The following HPSE2 variants were observed in gnomAD, a reference collection of about 807,000 sequenced individuals.
HPSE2 encodes heparanase 2 (inactive), also known as inactive heparanase-2.
In HPSE2, 38 loss-of-function variants were observed where a neutral mutation model predicts 60.5. The observed-to-expected ratio is 0.63, with a 90% CI of 0.48 to 0.82. HPSE2 has a LOEUF of 0.82. Ranked by LOEUF, HPSE2 falls within the 40% of genes least tolerant of loss-of-function variation. HPSE2 has a pLI of 0.00. For missense variants in HPSE2, 713 were observed against 740.4 expected, an observed-to-expected ratio of 0.96 and a Z score of 0.43; for synonymous variants, 295 against 293.2, an observed-to-expected ratio of 1.01 and a Z score of -0.06.
rs2133843381 is a variant in HPSE2, at chr10:98,547,456, C to A, written c.1321-57260G>T. Among the ~76,000 whole-genome samples, 3 of 150,286 alleles carry A rather than the reference C, an allele frequency of 2.0e-5. No individual in the cohort carries two copies. The South Asian group carries it at 6.4e-4, about 32-fold the overall frequency. The stretch of plus-strand genomic sequence containing the variant: ...CTAAGAAAATGTGGCACATATACAC[C>A]ATGGAATACTATGCAGCCATAAAAA... On this transcript the variant is annotated intron_variant, in intron 9 of 11. Transcript: ENST00000370552.
In HPSE2 at chr10:98,935,598, C is replaced by T. The variant is rs1287302399; in HGVS notation, c.611-191542G>A. On this transcript the variant is annotated intron_variant, in intron 3 of 11. Transcript: ENST00000370552. The stretch of plus-strand genomic sequence containing the variant: ...GGGGTCCACTCCAGACCCTGTTTGC[C>T]AGGGTATCACCAGTGAAGATTGCAG... Among the ~76,000 whole-genome samples, 5 of 144,324 alleles carry T rather than the reference C, an allele frequency of 3.5e-5. 2 individuals are homozygous for T. The highest frequency in any genetic ancestry group is 1.4e-4 in the African/African-American group (5 of 35,666). 94.7% of individuals were successfully genotyped at this position (144,324 alleles called of 152,430 possible).
At chr10:99,194,073 T>C (rs1466847983) in intron 2 of HPSE2, among the ~76,000 whole-genome samples, 2 of 152,094 alleles carry the variant, frequency 1.3e-5, no homozygotes, top group African/African-American at 2.4e-5. Context: ...TCATATCAAG[T>C]ATTTTCTCTG....
intron 3 of HPSE2, among the ~76,000 whole-genome samples, chr10:98,825,886 A>C (rs974054795): frequency 4.6e-5 from 7 of 152,208 alleles, no homozygotes; most frequent in African/African-American, 7.2e-5. Context: ...CAGCCATTTT[A>C]TGACTATGAG....
intron 3 of HPSE2, among the ~76,000 whole-genome samples, chr10:98,969,302 T>A (rs891513377): frequency 3.9e-5 from 6 of 152,164 alleles, no homozygotes; most frequent in Non-Finnish European, 8.8e-5. Flanking sequence ...AGTCAAGCCT[T>A]AGAACCCAAA....
At chr10:99,167,082 C>T (rs1209882145) in intron 2 of HPSE2, among the ~76,000 whole-genome samples, 1 of 151,854 alleles carries the variant, frequency 6.6e-6, no homozygotes, top group African/African-American at 2.4e-5. Flanking sequence ...GTAATCTTGA[C>T]CCACTGCAGC....
chr10:98,910,841 T>C (rs1953958338), intron 3 of HPSE2, among the ~76,000 whole-genome samples: 1 of 152,138 alleles, frequency 6.6e-6, no homozygotes, highest in African/African-American at 2.4e-5. Flanking sequence ...ATTTTTAAGG[T>C]ATTAAGGCAT....
At chr10:98,884,508 G>A (rs1269763974) in intron 3 of HPSE2, among the ~76,000 whole-genome samples, 1 of 152,092 alleles carries the variant, frequency 6.6e-6, no homozygotes, top group Admixed American at 6.6e-5. Flanking sequence ...ACTTTAAGTT[G>A]AAACCAGTGC....
chr10:99,112,414 T>A (rs986264746), intron 3 of HPSE2, among the ~76,000 whole-genome samples: 3 of 93,440 alleles, frequency 3.2e-5, no homozygotes, highest in Non-Finnish European at 5.4e-5. Context: ...TTTTTTTTGT[T>A]GTGTTTTGTT....
chr10:98,762,310 T>A (rs1950024525), intron 3 of HPSE2, among the ~76,000 whole-genome samples: 2 of 147,074 alleles, frequency 1.4e-5, no homozygotes, highest in South Asian at 2.3e-4. Context: ...TGGGGGGTGC[T>A]AAAACCTTGA....
chr10:99,120,467 A>G (rs1305889738), intron 3 of HPSE2, among the ~76,000 whole-genome samples: 2 of 131,724 alleles, frequency 1.5e-5, no homozygotes, highest in African/African-American at 5.0e-5. Flanking sequence ...TTTTAATAAT[A>G]GCCATTCTAA....
intron 1 of HPSE2, 125 bp from the exon 2 acceptor site, chr10:99,232,630 GC>G: frequency 2.7e-6 from 3 of 1,094,678 alleles, no homozygotes; most frequent in Non-Finnish European, 2.7e-6. Flanking sequence ...CTCTGTGCCT[GC>G]CCCAGCCGGC....
the HPSE2 span, among the ~76,000 whole-genome samples, chr10:99,257,110 T>A: frequency 3.3e-5 from 5 of 152,220 alleles, no homozygotes; most frequent in Admixed American, 3.3e-4. Flanking sequence ...CTGTCTTTAA[T>A]CTCTTAATCC....
At chr10:98,857,203 A>AAG (rs1952338942) in intron 3 of HPSE2, among the ~76,000 whole-genome samples, 1 of 152,164 alleles carries the variant, frequency 6.6e-6, no homozygotes, top group Non-Finnish European at 1.5e-5. Flanking sequence ...CTACCTTAAG[A>AAG]AGATGAGCCC....
chr10:98,490,872 A>G (rs1294168818), intron 9 of HPSE2, among the ~76,000 whole-genome samples: 2 of 152,198 alleles, frequency 1.3e-5, no homozygotes. Context: ...TGATTTAAAA[A>G]TTTTCAATCT....
intron 3 of HPSE2, among the ~76,000 whole-genome samples, chr10:98,985,343 T>G (rs1956314985): frequency 6.6e-6 from 1 of 152,220 alleles, no homozygotes; most frequent in Non-Finnish European, 1.5e-5. Context: ...TATTCAACAT[T>G]CTTAAAGAAA....
At chr10:99,243,526 TTAAC>T in the HPSE2 span, among the ~76,000 whole-genome samples, 4 of 152,220 alleles carry the variant, frequency 2.6e-5, no homozygotes, top group African/African-American at 9.6e-5. Context: ...TATAGCTTCA[TTAAC>T]TATGTATGTA....
chr10:98,675,179 C>T (rs1383269037), intron 6 of HPSE2, among the ~76,000 whole-genome samples: 1 of 152,136 alleles, frequency 6.6e-6, no homozygotes, highest in Non-Finnish European at 1.5e-5. Context: ...TATCTAGCTG[C>T]TCCCTCTGCC....
intron 11 of HPSE2, among the ~76,000 whole-genome samples, chr10:98,465,411 G>A (rs904034281): frequency 6.6e-6 from 1 of 152,220 alleles, no homozygotes; most frequent in Non-Finnish European, 1.5e-5. Context: ...ATGAGTGGTA[G>A]AGCTGAGATT....
Position 99,048,450 on chromosome 10 carries a change from A to G in HPSE2, c.610+95788T>C, listed in dbSNP as rs185701834. 180 of 215,308 alleles carry G rather than the reference A, an allele frequency of 8.4e-4. 1 individual carries two copies. The highest frequency in any genetic ancestry group is 4.2e-3 in the African/African-American group (179 of 42,534). The allele number at this position is 215,308 out of a possible 1,614,324, so 13.3% of individuals were successfully genotyped here. A position where few individuals can be genotyped will look rare whatever the true frequency, so the allele number is the denominator to read the frequency against. The stretch of plus-strand genomic sequence containing the variant: ...ACAGACACTTCTCAAAAGAAGACAT[A>G]CAAGTGGCCAAGAAACATATGAAAA... On this transcript the variant is annotated intron_variant, in intron 3 of 11. Transcript: ENST00000370552.
Sources: gnomAD v4.1 joint callset for allele counts (sites outside exome capture counted in the v4.1 genomes callset) on GRCh38, gnomAD v4.1.1 for gene constraint, MANE v1.5 for transcripts, NCBI Gene and HGNC (gene_info 2026-07-23, HGNC 2026-07-21) for gene names.